Variants in PCDHA9 observed in about 807,000 individuals in gnomAD.
The protein encoded by PCDHA9 is protocadherin alpha 9.
PCDHA9 carries 62 observed loss-of-function variants against 62.0 expected under a neutral mutation model. The ratio of observed to expected loss-of-function variants is 1.00; its 90% confidence interval spans 0.81 to 1.23. The LOEUF (loss-of-function observed/expected upper bound fraction) is 1.23, where lower values mean the gene tolerates loss of function less well. Among genes scored for constraint, PCDHA9 ranks in the 50% most tolerant of loss-of-function variants. The probability of loss-of-function intolerance (pLI) is 0.00; values close to 1 mark genes in which losing one functional copy is unlikely to be tolerated. For synonymous variants in PCDHA9, 557 were observed against 567.6 expected (o/e 0.98, Z 0.27); for missense variants, 1,205 against 1,249.8 (o/e 0.96, Z 0.54).
intron 1 of PCDHA9, chr5:140,866,250 C>G (rs2049240306): frequency 6.6e-6 from 1 of 152,128 alleles, no homozygotes; most frequent in South Asian, 2.1e-4. Flanking sequence ...AAATGACACC[C>G]TTCTTTCTTT....
At chr5:140,995,155 A>T (rs2097666869) in intron 3 of PCDHA9, among the ~76,000 whole-genome samples, 2 of 152,194 alleles carry the variant, frequency 1.3e-5, no homozygotes, top group Non-Finnish European at 2.9e-5. Flanking sequence ...CTTTATATAC[A>T]TTATGTTCTT....
intron 1 of PCDHA9, among the ~76,000 whole-genome samples, chr5:140,958,134 T>C (rs1235856780): frequency 6.6e-6 from 1 of 152,150 alleles, no homozygotes; most frequent in African/African-American, 2.4e-5. Flanking sequence ...TGTATCAGTG[T>C]GTATATTTAT....
chr5:140,987,155 A>G (rs2097233368), intron 3 of PCDHA9, among the ~76,000 whole-genome samples: 1 of 151,902 alleles, frequency 6.6e-6, no homozygotes, highest in South Asian at 2.1e-4. Context: ...TGGAGGTTGC[A>G]GTGAGCTGAG....
intron 1 of PCDHA9, among the ~76,000 whole-genome samples, chr5:140,942,387 G>A (rs1398449068): frequency 1.3e-5 from 2 of 151,808 alleles, no homozygotes; most frequent in Admixed American, 1.3e-4. Context: ...ATTCCAGCCT[G>A]GGCGACAGAT....
At chr5:140,856,403 G>T in intron 1 of PCDHA9, 2 of 1,598,562 alleles carry the variant, frequency 1.3e-6, no homozygotes, top group South Asian at 2.2e-5. Context: ...TTTCCATGTG[G>T]ACGTGGAAGT....
chr5:140,993,256 A>C lies in PCDHA9; in HGVS notation c.2542+10693A>C, dbSNP rs1419636248. Among the ~76,000 whole-genome samples, 3 of 152,148 alleles carry C rather than the reference A, an allele frequency of 2.0e-5. No homozygotes were observed. In the East Asian group the frequency reaches 5.8e-4, roughly 29 times the overall value. On this transcript the variant is annotated intron_variant, in intron 3 of 3. Coordinates refer to ENST00000532602, the MANE Select transcript of PCDHA9 (RefSeq NM_031857.2). The stretch of plus-strand genomic sequence containing the variant: ...CTGAATCTGGGGATTTAGATATATA[A>C]ATTAGCTTCTTTGGTCTTTTCTTGC...
intron 1 of PCDHA9, among the ~76,000 whole-genome samples, chr5:140,905,419 C>T (rs2071826794): frequency 6.6e-6 from 1 of 152,158 alleles, no homozygotes; most frequent in South Asian, 2.1e-4. Flanking sequence ...CAGTACCATG[C>T]TGGTTTGATA....
intron 3 of PCDHA9, among the ~76,000 whole-genome samples, chr5:141,002,289 G>A (rs1468757497): frequency 1.3e-5 from 2 of 152,204 alleles, no homozygotes; most frequent in East Asian, 3.8e-4. Flanking sequence ...GGATGAATGG[G>A]GAGCAAAGGG....
intron 1 of PCDHA9, among the ~76,000 whole-genome samples, chr5:140,873,433 C>A (rs1404157271): frequency 2.0e-5 from 3 of 152,116 alleles, no homozygotes; most frequent in African/African-American, 7.2e-5. Context: ...TATTTTATAT[C>A]ACATAAATAA....
At chr5:141,009,217 G>T (rs1554262066) in intron 3 of PCDHA9, among the ~76,000 whole-genome samples, 1 of 152,234 alleles carries the variant, frequency 6.6e-6, no homozygotes, top group African/African-American at 2.4e-5. Flanking sequence ...CACTTTGGGA[G>T]GCCAAGGTGG....
chr5:140,959,293 C>G (rs1554223990), intron 1 of PCDHA9, among the ~76,000 whole-genome samples: 1 of 152,088 alleles, frequency 6.6e-6, no homozygotes, highest in African/African-American at 2.4e-5. Context: ...GGGAGCATCA[C>G]TGAGCCCGGT....
rs941007574 is a variant in PCDHA9, at chr5:141,010,090, C to T, written c.*153C>T. 1.9e-6 allele frequency: 3 copies of T among 1,612,518 alleles called. No individual in the cohort carries two copies. Among genetic ancestry groups the T allele is most frequent in the Non-Finnish European group, 2.5e-6 (3 of 1,179,284 alleles). ...AAGTTCCCTGTGTCTGTCTAGAACG[C>T]ATTTAACAGGTTTTGTCGTAAAAGC... is the stretch of plus-strand genomic sequence containing the variant. On this transcript the variant is annotated 3_prime_UTR_variant, in exon 4 of 4. Coordinates refer to ENST00000532602, the MANE Select transcript of PCDHA9 (RefSeq NM_031857.2).
chr5:140,851,183 C>A, intron 1 of PCDHA9: 2 of 1,240,836 alleles, frequency 1.6e-6, no homozygotes, highest in Non-Finnish European at 1.0e-6. Context: ...ACTTGAAAAC[C>A]AATTTAGTTG....
chr5:140,883,865 T>C, intron 1 of PCDHA9: 2 of 1,613,076 alleles, frequency 1.2e-6, no homozygotes, highest in East Asian at 2.2e-5. Flanking sequence ...GCTGTTGCAG[T>C]TCCAGGTGAG....
At chr5:140,934,319 A>G (rs1292813425) in intron 1 of PCDHA9, among the ~76,000 whole-genome samples, 1 of 152,146 alleles carries the variant, frequency 6.6e-6, no homozygotes, top group Non-Finnish European at 1.5e-5. Context: ...CAAATGTCCA[A>G]TCATGAATGT....
intron 1 of PCDHA9, chr5:140,857,580 C>A (rs782567056): frequency 6.3e-7 from 1 of 1,596,630 alleles, no homozygotes; most frequent in South Asian, 1.1e-5. Context: ...TCGGTGCACG[C>A]GGAGAGCGGC....
intron 1 of PCDHA9, among the ~76,000 whole-genome samples, chr5:140,881,674 T>C (rs782706305): frequency 5.3e-5 from 8 of 152,254 alleles, no homozygotes; most frequent in Non-Finnish European, 1.0e-4. Context: ...TCTTATGTGA[T>C]TGTTATGTTT....
rs139167552 is a variant in PCDHA9, at chr5:140,939,382, C to T, written c.2395-39567C>T. On this transcript the variant is annotated intron_variant, in intron 1 of 3. Coordinates refer to ENST00000532602, the MANE Select transcript of PCDHA9 (RefSeq NM_031857.2). ...CAAAGGAGGAGGGAACACAAACATT[C>T]AGATCATAGCAAGTTTGTGTAAATC... 3.9e-5 allele frequency among the ~76,000 whole-genome samples: 6 copies of T among 152,258 alleles called. No homozygotes were observed. The East Asian group carries it at 1.2e-3, about 29-fold the overall frequency.
intron 1 of PCDHA9, chr5:140,884,758 C>A (rs1582804628): frequency 2.1e-6 from 3 of 1,424,736 alleles, no homozygotes; most frequent in East Asian, 2.5e-5. Context: ...TCAAATTATT[C>A]TTTACTTTAA....
Sources: allele counts gnomAD v4.1 joint callset (sites outside exome capture counted in the v4.1 genomes callset), GRCh38; gene constraint gnomAD v4.1.1; transcripts MANE v1.5; gene names NCBI Gene and HGNC (gene_info 2026-07-23, HGNC 2026-07-21).